TAF1: variants seen among roughly 807,000 people sequenced by gnomAD.
TAF1 encodes the protein transcription initiation factor TFIID subunit 1.
A neutral mutation model predicts 138.5 loss-of-function variants in TAF1; 2 were observed. The observed-to-expected ratio is 0.01, with a 90% CI of 0.01 to 0.05. The LOEUF (loss-of-function observed/expected upper bound fraction) is 0.05, where lower values mean the gene tolerates loss of function less well. Among genes scored for constraint, TAF1 ranks in the 10% least tolerant of loss-of-function variants. The probability of loss-of-function intolerance (pLI) is 1.00; values close to 1 mark genes in which losing one functional copy is unlikely to be tolerated. For missense variants in TAF1, 709 were observed against 1,478.0 expected (o/e 0.48, Z 8.53); for synonymous variants, 437 against 503.2 (o/e 0.87, Z 1.76).
In TAF1 at chrX:71,377,018, G is replaced by A. The variant is rs1206251908; in HGVS notation, c.541G>A (p.Val181Met). 2.5e-6 allele frequency: 3 copies of A among 1,211,704 alleles called. No homozygotes were observed. The highest frequency in any genetic ancestry group is 1.7e-5 in the African/African-American group (1 of 57,766). The change falls in exon 5 of 38, where the codon GTG (valine) becomes ATG (methionine). Residue 181 changes from valine to methionine, a missense_variant. Physicochemically the swap from Val to Met is conservative, Grantham distance 21 (BLOSUM62 1). Coordinates refer to ENST00000423759, the MANE Select transcript of TAF1 (RefSeq NM_004606.5). ...IAPSSLASEKVDFSSSSDSES... is the reference protein window; with the variant it reads ...IAPSSLASEKMDFSSSSDSES... ...CCCTTCCTCTTTGGCCTCAGAGAAA[G>A]TGGACTTCAGTAGTTCCTCTGACTC...
At chrX:71,383,185 G>T (rs772876490) in intron 12 of TAF1, 21 bp downstream of exon 12, 29 of 1,199,621 alleles carry the variant, frequency 2.4e-5, no homozygotes, top group Non-Finnish European at 3.2e-5. Flanking sequence ...ATTCTGGTTA[G>T]AAAACAGCTA....
chrX:71,528,542 G>A (rs754894598), exon 14 of TAF1: 6 of 327,852 alleles, frequency 1.8e-5, no homozygotes, highest in Middle Eastern at 8.9e-4. Flanking sequence ...CTCCTTACAG[G>A]TACCAATGAA....
rs2039633867 is a variant in TAF1 at position 71,506,651 on chromosome X, G to A, written c.1367-21891G>A. Among the ~76,000 whole-genome samples the A allele has an allele frequency of 4.0e-5, 4 of 99,319 alleles. No homozygotes were observed. In the South Asian group the frequency reaches 1.9e-3, roughly 48 times the overall value. The allele number at this position is 99,319 out of a possible 115,157, so 86.2% of individuals were successfully genotyped here. On this transcript the variant is annotated intron_variant and NMD_transcript_variant, in intron 13 of 14. Transcript: ENST00000373775. ...CGGAGCTTGCAGTAAGCCAAGAGCC[G>A]AGATCACGCCACTGCACTCCAGCCT...
At chrX:71,507,187 T>C (rs1306319300) in intron 13 of TAF1, among the ~76,000 whole-genome samples, 1 of 111,799 alleles carries the variant, frequency 8.9e-6, no homozygotes, top group African/African-American at 3.3e-5. Flanking sequence ...TAAATGCCAC[T>C]GAATTATACA....
intron 13 of TAF1, among the ~76,000 whole-genome samples, chrX:71,517,082 G>A (rs147013738): frequency 2.4e-3 from 265 of 109,790 alleles, no homozygotes; most frequent in African/African-American, 8.5e-3. Flanking sequence ...GATTCAAAGC[G>A]TGACAGGAAT....
rs192709811 is a variant in TAF1 at position 71,458,732 on chromosome X, A to G, written c.5064+366A>G. On this transcript the variant is annotated intron_variant, in intron 35 of 37. Coordinates refer to ENST00000423759, the MANE Select transcript of TAF1 (RefSeq NM_004606.5). ...ATTATAATTTAAATTAAAATTATTT[A>G]TAAAATTAAATTTTAAAAATTGGCC... Among the ~76,000 whole-genome samples the G allele has an allele frequency of 1.4e-4, 16 of 112,255 alleles. No homozygotes were observed. In the East Asian group the frequency reaches 4.4e-3, roughly 31 times the overall value.
At position 71,376,151 on chromosome X, in the gene TAF1, A is replaced by T. The variant is rs988419877; in HGVS notation, c.473-799A>T. Among the ~76,000 whole-genome samples the T allele has an allele frequency of 2.7e-5, 3 of 111,651 alleles. No homozygotes were observed. The Admixed American group carries it at 2.9e-4, about 11-fold the overall frequency. The stretch of plus-strand genomic sequence containing the variant: ...TATTTTGAGGCTTGTATTAACCTAA[A>T]TTCTTCCTGTTGGAGTTTTAAGCCA... On this transcript the variant is annotated intron_variant, in intron 4 of 37. Transcript: ENST00000423759.
chrX:71,512,940 G>A (rs1481444034), intron 13 of TAF1, among the ~76,000 whole-genome samples: 1 of 112,690 alleles, frequency 8.9e-6, no homozygotes. Flanking sequence ...AATGCTTAGA[G>A]AGGTCCAGCA....
intron 28 of TAF1, chrX:71,414,082 T>G (rs1368105527): frequency 1.0e-5 from 1 of 98,087 alleles, no homozygotes; most frequent in Non-Finnish European, 2.0e-5. Context: ...TTTGATTGTC[T>G]GCATTCTTCC....
At chrX:71,386,755 G>A (rs1402685756) in intron 14 of TAF1, among the ~76,000 whole-genome samples, 1 of 113,049 alleles carries the variant, frequency 8.8e-6, no homozygotes, top group Non-Finnish European at 1.9e-5. Flanking sequence ...ATGAGTCACT[G>A]TGCCCGGCGT....
chrX:71,428,475 C>G (rs980919932), intron 32 of TAF1, among the ~76,000 whole-genome samples: 1 of 111,644 alleles, frequency 9.0e-6, no homozygotes, highest in African/African-American at 3.3e-5. Context: ...TGACTTTGAG[C>G]AAATAACTTA....
intron 13 of TAF1, among the ~76,000 whole-genome samples, chrX:71,486,741 T>G (rs1299156008): frequency 9.0e-6 from 1 of 111,169 alleles, no homozygotes; most frequent in Admixed American, 9.6e-5. Flanking sequence ...TAGTTTGTGT[T>G]TCTAGGAATT....
At chrX:71,389,832 TTA>T in intron 18 of TAF1, 167 bp downstream of exon 18, 1 of 368,346 alleles carries the variant, frequency 2.7e-6, no homozygotes, top group African/African-American at 2.7e-5. Flanking sequence ...ATATCAAATA[TTA>T]TATTTTATAT....
intron 22 of TAF1, 107 bp from the exon 23 acceptor site, chrX:71,397,146 C>T (rs2034901913): frequency 2.4e-6 from 2 of 830,377 alleles, no homozygotes; most frequent in Non-Finnish European, 3.5e-6. Context: ...TTTGTAGAAC[C>T]ATAGTTTTGT....
At chrX:71,393,605 GGTAGTATATGTTT>G (rs2034689114) in intron 21 of TAF1, 129 bp downstream of exon 21, 2 of 918,067 alleles carry the variant, frequency 2.2e-6, no homozygotes, top group East Asian at 7.0e-5. Context: ...GACATGTCAG[GGTAGTATATGTTT>G]GTAATCCCAC....
At chrX:71,386,458 G>T (rs1168827337) in intron 14 of TAF1, among the ~76,000 whole-genome samples, 1 of 111,567 alleles carries the variant, frequency 9.0e-6, no homozygotes, top group African/African-American at 3.3e-5. Flanking sequence ...CTACCTCATT[G>T]GTTGTTTTAT....
intron 13 of TAF1, among the ~76,000 whole-genome samples, chrX:71,519,515 C>T (rs1036290641): frequency 5.1e-4 from 49 of 95,721 alleles, no homozygotes; most frequent in East Asian, 7.5e-4. Flanking sequence ...TGGTGGCGGG[C>T]GCCTGTAGTC....
chrX:71,372,499 G>A (rs2033142271), intron 3 of TAF1, among the ~76,000 whole-genome samples: 1 of 103,525 alleles, frequency 9.7e-6, no homozygotes, highest in Non-Finnish European at 2.0e-5. Flanking sequence ...ATAAAGTATC[G>A]TAGGACTTGG....
At position 71,428,575 on chromosome X, in the gene TAF1, G is replaced by A. The variant is rs1413099163; in HGVS notation, c.4753+4337G>A. 6.3e-5 allele frequency among the ~76,000 whole-genome samples: 7 copies of A among 111,980 alleles called. No individual in the cohort carries two copies. In the Admixed American group the frequency reaches 6.6e-4, roughly 11 times the overall value. ...GGATTAAATAAAATAGTGCATGTAA[G>A]TACTTACCATGTGGTAAGATTATAA... On this transcript the variant is annotated intron_variant, in intron 32 of 37. Coordinates refer to ENST00000423759, the MANE Select transcript of TAF1 (RefSeq NM_004606.5).
Sources: allele counts gnomAD v4.1 joint callset (sites outside exome capture counted in the v4.1 genomes callset), GRCh38; gene constraint gnomAD v4.1.1; transcripts MANE v1.5; gene names NCBI Gene and HGNC (gene_info 2026-07-23, HGNC 2026-07-21).